Variants in PACS1 observed in about 807,000 individuals in gnomAD.
PACS1 encodes the protein phosphofurin acidic cluster sorting protein 1, also known as PACS-1.
PACS1 carries 24 observed loss-of-function variants against 115.0 expected under a neutral mutation model. The ratio of observed to expected loss-of-function variants is 0.21; its 90% CI spans 0.15 to 0.29. The LOEUF (loss-of-function observed/expected upper bound fraction) is 0.29, where lower values mean the gene tolerates loss of function less well. Among genes scored for constraint, PACS1 ranks in the 10% least tolerant of loss-of-function variants. The pLI, the probability that PACS1 is intolerant of heterozygous loss-of-function variation, is 1.00. For missense variants in PACS1, 838 were observed against 1,251.2 expected, an observed-to-expected ratio of 0.67 and a Z score of 4.98; for synonymous variants, 453 against 504.5, an observed-to-expected ratio of 0.90 and a Z score of 1.37.
Position 66,236,643 on chromosome 11 carries a change from G to A in PACS1, c.2250+703G>A, listed in dbSNP as rs1178724051. ...CTCAGCCTGACCTAGGGAGGGGTCCGGGGGAGCTGTGCAGTCCTGCCAGAG... is the reference window on the plus strand; with the variant it reads ...CTCAGCCTGACCTAGGGAGGGGTCCAGGGGAGCTGTGCAGTCCTGCCAGAG... On this transcript the variant is annotated intron_variant, in intron 19 of 23. Coordinates refer to ENST00000320580, the MANE Select transcript of PACS1 (RefSeq NM_018026.4). The surrounding 1 kb of genome is among the most constrained non-coding windows in gnomAD (Gnocchi z 4.2). 1.3e-5 allele frequency among the ~76,000 whole-genome samples: 2 copies of A among 152,188 alleles called. No homozygotes were observed. Among genetic ancestry groups the A allele is most frequent in the East Asian group, 1.9e-4 (1 of 5,196 alleles).
chr11:66,231,208 A>T (rs936604344), intron 13 of PACS1, among the ~76,000 whole-genome samples: 4 of 152,224 alleles, frequency 2.6e-5, no homozygotes, highest in Non-Finnish European at 4.4e-5. Flanking sequence ...CACGGCTGCG[A>T]GTGTCGATTC....
Position 66,215,902 on chromosome 11 carries a change from AAATAATAATAATAATAATAATAAT to A in PACS1, c.661-190_661-167del, listed in dbSNP as rs71461611. Among the ~76,000 whole-genome samples, 3 of 136,994 alleles carry A rather than the reference AAATAATAATAATAATAATAATAAT, an allele frequency of 2.2e-5. No homozygotes were observed. In the East Asian group the frequency reaches 6.3e-4, roughly 29 times the overall value. 89.9% of individuals were successfully genotyped at this position (136,994 alleles called of 152,430 possible). ...GCGACAGTGAGAGACTCCGTCTCAA[AAATAATAATAATAATAATAATAAT>A]AATAATAATAATAATAATAATAATA... On this transcript the variant is annotated intron_variant, in intron 4 of 23. Transcript: ENST00000320580.
intron 1 of PACS1, among the ~76,000 whole-genome samples, chr11:66,082,588 G>A (rs945027649): frequency 6.6e-6 from 1 of 152,206 alleles, no homozygotes; most frequent in East Asian, 1.9e-4. Flanking sequence ...CAGGCCGGGC[G>A]CTGTGGCTCA....
chr11:66,223,068 A>G (rs942475436), intron 10 of PACS1, among the ~76,000 whole-genome samples: 2 of 151,814 alleles, frequency 1.3e-5, no homozygotes, highest in South Asian at 2.1e-4. Context: ...AAAAAAAAAA[A>G]AAAAAAAAAA....
chr11:66,086,134 CTT>C (rs1196106929), intron 1 of PACS1, among the ~76,000 whole-genome samples: 13 of 122,818 alleles, frequency 1.1e-4, no homozygotes, highest in African/African-American at 1.8e-4. Flanking sequence ...CTTATGATTT[CTT>C]TTTTTTTTTT....
intron 1 of PACS1, among the ~76,000 whole-genome samples, chr11:66,114,658 C>G (rs74761658): frequency 0.028 from 4,247 of 152,132 alleles, 209 homozygotes; most frequent in African/African-American, 0.096. Flanking sequence ...TATAATTATT[C>G]TAGCTTTTAA....
chr11:66,155,602 G>A (rs756194441), intron 1 of PACS1, among the ~76,000 whole-genome samples: 55 of 152,112 alleles, frequency 3.6e-4, no homozygotes, highest in Non-Finnish European at 6.8e-4. Context: ...CCAGGTGTTG[G>A]CAAGGATGTG....
intron 1 of PACS1, among the ~76,000 whole-genome samples, chr11:66,193,046 G>A (rs1381538138): frequency 1.3e-5 from 2 of 152,214 alleles, no homozygotes; most frequent in African/African-American, 4.8e-5. Context: ...AGTAGAAGAG[G>A]AACTGTGTGA....
intron 1 of PACS1, among the ~76,000 whole-genome samples, chr11:66,160,885 G>A (rs986287449): frequency 6.6e-6 from 1 of 151,966 alleles, no homozygotes; most frequent in African/African-American, 2.4e-5. Context: ...TAGCATCTGG[G>A]CACATCCTCA....
At chr11:66,195,190 G>A (rs1054479564) in intron 2 of PACS1, among the ~76,000 whole-genome samples, 1 of 152,116 alleles carries the variant, frequency 6.6e-6, no homozygotes. Flanking sequence ...CTCCAGCCTG[G>A]GTGACAGAAT....
chr11:66,140,695 G>A (rs888713475), intron 1 of PACS1, among the ~76,000 whole-genome samples: 3 of 152,050 alleles, frequency 2.0e-5, no homozygotes, highest in African/African-American at 7.2e-5. Flanking sequence ...TGCCAAATTA[G>A]TAAAAGTACT....
At chr11:66,196,932 G>T (rs188511069) in intron 2 of PACS1, among the ~76,000 whole-genome samples, 1 of 152,046 alleles carries the variant, frequency 6.6e-6, no homozygotes, top group Non-Finnish European at 1.5e-5. Flanking sequence ...TTAGAATTTT[G>T]GAAAACTTGC....
At chr11:66,166,436 C>T (rs1590791187) in intron 1 of PACS1, among the ~76,000 whole-genome samples, 1 of 151,570 alleles carries the variant, frequency 6.6e-6, no homozygotes, top group East Asian at 1.9e-4. Context: ...CGTGAGCCAC[C>T]ATGCACAGCC....
intron 1 of PACS1, among the ~76,000 whole-genome samples, chr11:66,118,460 A>G (rs568854872): frequency 5.3e-5 from 8 of 152,032 alleles, no homozygotes; most frequent in Non-Finnish European, 1.0e-4. Flanking sequence ...AAAAATGAAA[A>G]TATCAGCCAG....
At chr11:66,241,718 C>G (rs1205757148) in intron 22 of PACS1, 65 bp downstream of exon 22, 1 of 1,326,380 alleles carries the variant, frequency 7.5e-7, no homozygotes, top group Non-Finnish European at 1.1e-6. Context: ...CTCTCAGGGC[C>G]TGGGAATAAA....
intron 1 of PACS1, among the ~76,000 whole-genome samples, chr11:66,167,119 C>T (rs1459314971): frequency 1.3e-5 from 2 of 150,280 alleles, no homozygotes; most frequent in Non-Finnish European, 2.9e-5. Flanking sequence ...ATTTTGATTT[C>T]AATTTGCATT....
chr11:66,156,532 A>C (rs1159110713), intron 1 of PACS1, among the ~76,000 whole-genome samples: 1 of 151,792 alleles, frequency 6.6e-6, no homozygotes, highest in African/African-American at 2.4e-5. Flanking sequence ...GGCGTGAGCC[A>C]CTGCACCTGG....
intron 17 of PACS1, 31 bp downstream of exon 17, chr11:66,234,273 A>AC (rs1403739115): frequency 6.7e-7 from 1 of 1,483,144 alleles, no homozygotes; most frequent in Admixed American, 1.7e-5. Flanking sequence ...GCTTACTCCC[A>AC]CCCCCGGGGT....
rs149279581 is a variant in PACS1, at chr11:66,087,106, C to T, written c.356+16264C>T. Among the ~76,000 whole-genome samples, 5 of 152,224 alleles carry T rather than the reference C, an allele frequency of 3.3e-5. No homozygotes were observed. The East Asian group carries it at 7.7e-4, about 23-fold the overall frequency. ...ACATTACCAACGCCCCAGAACATTACCATGCCCCCTTCTAATACCACCCCT... is the reference window on the plus strand; with the variant it reads ...ACATTACCAACGCCCCAGAACATTATCATGCCCCCTTCTAATACCACCCCT... On this transcript the variant is annotated intron_variant, in intron 1 of 23. Transcript: ENST00000320580.
Sources: allele counts gnomAD v4.1 joint callset (sites outside exome capture counted in the v4.1 genomes callset), GRCh38; gene constraint gnomAD v4.1.1; non-coding constraint Gnocchi (gnomAD v3.1); transcripts MANE v1.5; gene names NCBI Gene and HGNC (gene_info 2026-07-23, HGNC 2026-07-21).